TLK1: variants seen among roughly 807,000 people sequenced by gnomAD.
TLK1 encodes the protein serine/threonine-protein kinase tousled-like 1.
Under a neutral mutation model 105.3 loss-of-function variants are expected in TLK1, and 24 were observed. That is an observed-to-expected ratio of 0.23 (90% CI 0.17 to 0.32). TLK1 has a LOEUF of 0.32. Among genes scored for constraint, TLK1 ranks in the 10% least tolerant of loss-of-function variants. TLK1 has a pLI of 1.00. For missense variants in TLK1, 558 were observed against 910.5 expected, an observed-to-expected ratio of 0.61 and a Z score of 4.98; for synonymous variants, 321 against 310.4, an observed-to-expected ratio of 1.03 and a Z score of -0.36.
intron 8 of TLK1, among the ~76,000 whole-genome samples, chr2:171,053,367 A>T (rs1048359804): frequency 4.1e-5 from 6 of 147,046 alleles, no homozygotes; most frequent in Non-Finnish European, 7.6e-5. Context: ...TAGCTACAGA[A>T]TTTTTTTTTT....
intron 3 of TLK1, among the ~76,000 whole-genome samples, chr2:171,071,285 C>T (rs571973999): frequency 6.6e-6 from 1 of 151,750 alleles, no homozygotes; most frequent in East Asian, 1.9e-4. Flanking sequence ...TGATGTGATC[C>T]CATTTGTCCT....
At chr2:171,046,598 T>G (rs905663365) in intron 10 of TLK1, among the ~76,000 whole-genome samples, 3 of 152,154 alleles carry the variant, frequency 2.0e-5, no homozygotes, top group Non-Finnish European at 2.9e-5. Flanking sequence ...ATATATAATT[T>G]CATGGGATCT....
At chr2:171,098,280 G>T (rs938164883) in intron 2 of TLK1, among the ~76,000 whole-genome samples, 8 of 152,034 alleles carry the variant, frequency 5.3e-5, no homozygotes, top group Non-Finnish European at 1.2e-4. Flanking sequence ...ACTACATGAG[G>T]TGATGAACAT....
At chr2:171,073,877 C>CG (rs1553472998) in intron 3 of TLK1, among the ~76,000 whole-genome samples, 2 of 92,742 alleles carry the variant, frequency 2.2e-5, no homozygotes, top group African/African-American at 6.0e-5. Flanking sequence ...AACATTCCCC[C>CG]CCCCCCTCCT....
At chr2:171,204,206 T>A (rs1693457542) in intron 1 of TLK1, among the ~76,000 whole-genome samples, 2 of 152,218 alleles carry the variant, frequency 1.3e-5, no homozygotes, top group South Asian at 4.1e-4. Context: ...CCATTACACA[T>A]GCAGAAATTG....
intron 3 of TLK1, among the ~76,000 whole-genome samples, chr2:171,071,390 C>T (rs1174942873): frequency 6.6e-6 from 1 of 152,078 alleles, no homozygotes; most frequent in African/African-American, 2.4e-5. Context: ...CGGGTTCACG[C>T]CATTCTCCCG....
chr2:171,046,474 C>A, intron 10 of TLK1, 112 bp from the exon 11 acceptor site: 1 of 1,237,268 alleles, frequency 8.1e-7, no homozygotes, highest in Non-Finnish European at 1.1e-6. Flanking sequence ...CATTCGTAAC[C>A]TTTTGGTTCC....
intron 3 of TLK1, among the ~76,000 whole-genome samples, chr2:171,079,475 T>C (rs1025853361): frequency 6.6e-6 from 1 of 152,258 alleles, no homozygotes; most frequent in Non-Finnish European, 1.5e-5. Context: ...TTCATCTTTA[T>C]ATTCTCTGTG....
intron 2 of TLK1, among the ~76,000 whole-genome samples, chr2:171,097,986 G>GAGAGAAAGAA (rs1689523211): frequency 6.6e-6 from 1 of 151,914 alleles, no homozygotes; most frequent in South Asian, 2.1e-4. Flanking sequence ...GAGAGAAAGA[G>GAGAGAAAGAA]AGAGAAAGAA....
intron 1 of TLK1, among the ~76,000 whole-genome samples, chr2:171,168,616 G>C (rs912657909): frequency 6.6e-6 from 1 of 152,118 alleles, no homozygotes; most frequent in Non-Finnish European, 1.5e-5. Context: ...TCATAGTTTG[G>C]AAGATAGGGG....
intron 2 of TLK1, among the ~76,000 whole-genome samples, chr2:171,113,402 C>A (rs1389770819): frequency 6.6e-6 from 1 of 151,970 alleles, no homozygotes; most frequent in Non-Finnish European, 1.5e-5. Context: ...TCCCAAGTAG[C>A]TGGGATTACA....
chr2:171,133,571 C>T (rs1691189094), intron 1 of TLK1, among the ~76,000 whole-genome samples: 2 of 152,014 alleles, frequency 1.3e-5, no homozygotes, highest in African/African-American at 2.4e-5. Context: ...GGCACTTCAG[C>T]CTGGGAGACA....
intron 1 of TLK1, among the ~76,000 whole-genome samples, chr2:171,149,429 T>C (rs995157942): frequency 3.9e-5 from 6 of 152,118 alleles, no homozygotes; most frequent in Non-Finnish European, 7.4e-5. Flanking sequence ...GGCAAAACCC[T>C]TGAAACTATT....
chr2:171,067,160 GTT>G (rs11399480), intron 3 of TLK1, among the ~76,000 whole-genome samples: 1 of 141,092 alleles, frequency 7.1e-6, no homozygotes. Context: ...GTGCACTTAG[GTT>G]TTTTTTTTTT....
intron 7 of TLK1, 154 bp from the exon 8 acceptor site, chr2:171,054,007 AACTTCAAGTGTATAAATGCT>A: frequency 1.9e-6 from 1 of 530,312 alleles, no homozygotes; most frequent in Non-Finnish European, 3.2e-6. Flanking sequence ...CAGTTTTAAT[AACTTCAAGTGTATAAATGCT>A]ACAGACTTAC....
At chr2:171,224,876 TA>T (rs1487139984) in intron 1 of TLK1, among the ~76,000 whole-genome samples, 1 of 152,208 alleles carries the variant, frequency 6.6e-6, no homozygotes, top group African/African-American at 2.4e-5. Flanking sequence ...CAATGAAATA[TA>T]ATTGATAATT....
At chr2:171,215,174 C>G (rs1054301247) in intron 1 of TLK1, among the ~76,000 whole-genome samples, 2 of 152,142 alleles carry the variant, frequency 1.3e-5, no homozygotes, top group African/African-American at 4.8e-5. Flanking sequence ...TGCCTGGGCT[C>G]AAGTGATCTG....
At chr2:171,123,187 C>T (rs990283109) in intron 1 of TLK1, among the ~76,000 whole-genome samples, 35 of 151,938 alleles carry the variant, frequency 2.3e-4, no homozygotes, top group Admixed American at 2.3e-3. Flanking sequence ...AAATCTACTA[C>T]AAATACTCAT....
At chr2:171,194,747 G>A (rs1693230537) in intron 1 of TLK1, among the ~76,000 whole-genome samples, 1 of 151,178 alleles carries the variant, frequency 6.6e-6, no homozygotes, top group African/African-American at 2.4e-5. Flanking sequence ...AACCTGGGAG[G>A]CGGAGCTTGC....
Sources: gnomAD v4.1 joint callset for allele counts (sites outside exome capture counted in the v4.1 genomes callset) on GRCh38, gnomAD v4.1.1 for gene constraint, MANE v1.5 for transcripts, NCBI Gene and HGNC (gene_info 2026-07-23, HGNC 2026-07-21) for gene names.